Variants in LAMTOR3 observed in about 807,000 individuals in gnomAD.
The protein encoded by LAMTOR3 is ragulator complex protein LAMTOR3.
A neutral mutation model predicts 20.3 loss-of-function variants in LAMTOR3; 14 were observed. The ratio of observed to expected loss-of-function variants is 0.69; its 90% CI spans 0.46 to 1.08. LAMTOR3 has a LOEUF of 1.08. Ranked by LOEUF, LAMTOR3 falls within the 50% of genes least tolerant of loss-of-function variation. The pLI, the probability that LAMTOR3 is intolerant of heterozygous loss-of-function variation, is 0.00. For synonymous variants in LAMTOR3, 40 were observed against 49.4 expected (o/e 0.81, Z 0.80); for missense variants, 125 against 143.7 (o/e 0.87, Z 0.67).
At chr4:99,883,127 T>G (rs1724858864) in intron 6 of LAMTOR3, among the ~76,000 whole-genome samples, 1 of 152,056 alleles carries the variant, frequency 6.6e-6, no homozygotes, top group South Asian at 2.1e-4. Context: ...TAAATATACT[T>G]AAAATCTTAA....
rs1001327338 is a variant in LAMTOR3 at position 99,881,260 on chromosome 4, C to T, written c.*734G>A. The T allele has an allele frequency of 1.3e-5, 2 of 152,066 alleles. No individual in the cohort carries two copies. Among genetic ancestry groups the T allele is most frequent in the African/African-American group, 4.8e-5 (2 of 41,406 alleles). The allele number at this position is 152,066 out of a possible 1,614,324, so 9.4% of individuals were successfully genotyped here. A position where few individuals can be genotyped will look rare whatever the true frequency, so the allele number is the denominator to read the frequency against. On this transcript the variant is annotated 3_prime_UTR_variant, in exon 7 of 7. Transcript: ENST00000499666. ...CTCACATATGAAAAAAATGGCTGTA[C>T]TATCATGTTTACATACATACTAACA...
At chr4:99,882,153 T>G in intron 6 of LAMTOR3, 86 bp from the exon 7 acceptor site, 2 of 764,580 alleles carry the variant, frequency 2.6e-6, no homozygotes, top group Non-Finnish European at 4.3e-6. Flanking sequence ...CCAAAATACA[T>G]AGTTACCAAA....
At chr4:99,882,929 G>T (rs1724854921) in intron 6 of LAMTOR3, among the ~76,000 whole-genome samples, 1 of 151,986 alleles carries the variant, frequency 6.6e-6, no homozygotes, top group South Asian at 2.1e-4. Flanking sequence ...GCCTCAAACA[G>T]AGCCTGTTTT....
chr4:99,894,137 G>A (rs897669125), intron 1 of LAMTOR3, 137 bp from the exon 2 acceptor site: 16 of 497,596 alleles, frequency 3.2e-5, no homozygotes, highest in African/African-American at 2.7e-4. Context: ...AGCGAGCCCA[G>A]TGGGAGTCGG....
Position 99,879,073 on chromosome 4 carries a change from A to G in LAMTOR3, c.*2921T>C, listed in dbSNP as rs1004897268. 2 of 152,226 alleles carry G rather than the reference A, an allele frequency of 1.3e-5. No homozygotes were observed. Among genetic ancestry groups the G allele is most frequent in the Non-Finnish European group, 2.9e-5 (2 of 68,034 alleles). 9.4% of individuals were successfully genotyped at this position (152,226 alleles called of 1,614,324 possible). A position where few individuals can be genotyped will look rare whatever the true frequency, so the allele number is the denominator to read the frequency against. On this transcript the variant is annotated 3_prime_UTR_variant, in exon 7 of 7. Coordinates refer to ENST00000499666, the MANE Select transcript of LAMTOR3 (RefSeq NM_021970.4). ...CTGCCAATTGCTGTACATAAAGAGT[A>G]TAACAAGTCACACTTCCCTAGCAGG...
In LAMTOR3 at chr4:99,884,042, T is replaced by C. The variant is rs1290746903; in HGVS notation, c.301+20A>G. ...TTTAAAATTAAGGATTAAAGTGATA[T>C]TTAAGGTCATTAAACACACCTGTAT... On this transcript the variant is annotated intron_variant, in intron 6 of 6. Transcript: ENST00000499666. 1 of 1,514,430 alleles carries C rather than the reference T, an allele frequency of 6.6e-7. No homozygotes were observed. Among genetic ancestry groups the C allele is most frequent in the Non-Finnish European group, 9.1e-7 (1 of 1,094,526 alleles). 93.8% of individuals were successfully genotyped at this position (1,514,430 alleles called of 1,614,324 possible).
At chr4:99,882,986 A>C (rs943993943) in intron 6 of LAMTOR3, among the ~76,000 whole-genome samples, 3 of 152,070 alleles carry the variant, frequency 2.0e-5, no homozygotes, top group Non-Finnish European at 2.9e-5. Context: ...GAATATAAAA[A>C]GCATCTGAAC....
intron 4 of LAMTOR3, among the ~76,000 whole-genome samples, chr4:99,886,825 TACTG>T (rs1724934325): frequency 6.6e-6 from 1 of 152,158 alleles, no homozygotes; most frequent in South Asian, 2.1e-4. Flanking sequence ...TCTGAATCCA[TACTG>T]ACTCTCTGTG....
chr4:99,890,641 G>C (rs1334566388), intron 3 of LAMTOR3, among the ~76,000 whole-genome samples: 1 of 150,554 alleles, frequency 6.6e-6, no homozygotes, highest in Non-Finnish European at 1.5e-5. Flanking sequence ...AAAAAAAACT[G>C]ACAGTACTAA....
rs973368358 is a variant in LAMTOR3, at chr4:99,881,740, C to A, written c.*254G>T. The A allele has an allele frequency of 2.4e-6, 1 of 411,108 alleles. No individual in the cohort carries two copies. Among genetic ancestry groups the A allele is most frequent in the Non-Finnish European group, 4.3e-6 (1 of 230,978 alleles). The allele number at this position is 411,108 out of a possible 1,614,324, so 25.5% of individuals were successfully genotyped here. A position where few individuals can be genotyped will look rare whatever the true frequency, so the allele number is the denominator to read the frequency against. On this transcript the variant is annotated 3_prime_UTR_variant, in exon 7 of 7. Coordinates refer to ENST00000499666, the MANE Select transcript of LAMTOR3 (RefSeq NM_021970.4). ...CCATATCTGGTGACCAGACTAACTC[C>A]ATGGGAGCTGTGATAGACTGAACCA... is the stretch of plus-strand genomic sequence containing the variant.
chr4:99,890,598 T>G (rs1202611862), intron 3 of LAMTOR3, among the ~76,000 whole-genome samples: 1 of 152,156 alleles, frequency 6.6e-6, no homozygotes, highest in African/African-American at 2.4e-5. Flanking sequence ...ATAAATGATA[T>G]AATGAGTTGA....
intron 6 of LAMTOR3, among the ~76,000 whole-genome samples, chr4:99,882,380 T>C (rs568517950): frequency 6.6e-6 from 1 of 152,276 alleles, no homozygotes; most frequent in Non-Finnish European, 1.5e-5. Flanking sequence ...TTTCAGACTT[T>C]AGAATGTTTT....
chr4:99,893,267 G>A (rs1272617749), intron 2 of LAMTOR3, among the ~76,000 whole-genome samples: 2 of 152,036 alleles, frequency 1.3e-5, no homozygotes, highest in Non-Finnish European at 2.9e-5. Context: ...TTCCATCTCG[G>A]CCTCCCAAAG....
At chr4:99,888,619 T>C (rs1724970101) in intron 3 of LAMTOR3, among the ~76,000 whole-genome samples, 1 of 152,244 alleles carries the variant, frequency 6.6e-6, no homozygotes, top group Non-Finnish European at 1.5e-5. Context: ...ATTCTTTGTG[T>C]TAACTTTAAT....
chr4:99,889,692 AG>A (rs1294000055), intron 3 of LAMTOR3, among the ~76,000 whole-genome samples: 1 of 152,192 alleles, frequency 6.6e-6, no homozygotes, highest in Non-Finnish European at 1.5e-5. Context: ...AAGGATGGGC[AG>A]CTTCTCACTC....
At position 99,879,152 on chromosome 4, in the gene LAMTOR3, G is replaced by A. The variant is rs550369745; in HGVS notation, c.*2842C>T. On this transcript the variant is annotated 3_prime_UTR_variant, in exon 7 of 7. Coordinates refer to ENST00000499666, the MANE Select transcript of LAMTOR3 (RefSeq NM_021970.4). ...ATAATCCTTTTCCCATTGTGATCCCGTCTTTATAACAATGTTTTAAGCCCT... is the reference window on the plus strand; with the variant it reads ...ATAATCCTTTTCCCATTGTGATCCCATCTTTATAACAATGTTTTAAGCCCT... 15 of 152,218 alleles carry A rather than the reference G, an allele frequency of 9.9e-5. No individual in the cohort carries two copies. The South Asian group carries it at 1.2e-3, about 13-fold the overall frequency. 9.4% of individuals were successfully genotyped at this position (152,218 alleles called of 1,614,324 possible).
At chr4:99,887,972 T>C (rs747230297) in intron 3 of LAMTOR3, among the ~76,000 whole-genome samples, 2 of 152,186 alleles carry the variant, frequency 1.3e-5, no homozygotes, top group Non-Finnish European at 2.9e-5. Context: ...CAGTAATACA[T>C]CAGCTGAGAC....
At chr4:99,894,240 G>A (rs1725080175) in intron 1 of LAMTOR3, 95 bp downstream of exon 1, 1 of 368,970 alleles carries the variant, frequency 2.7e-6, no homozygotes, top group Non-Finnish European at 4.8e-6. Flanking sequence ...TAGGCCCAAA[G>A]AAAAGAAGAG....
intron 2 of LAMTOR3, among the ~76,000 whole-genome samples, chr4:99,893,452 G>A (rs920870760): frequency 5.9e-5 from 9 of 151,892 alleles, no homozygotes; most frequent in Admixed American, 5.9e-4. Flanking sequence ...CTCCAAACCC[G>A]ACTGATCATT....
Sources: allele counts gnomAD v4.1 joint callset (sites outside exome capture counted in the v4.1 genomes callset), GRCh38; gene constraint gnomAD v4.1.1; transcripts MANE v1.5; gene names NCBI Gene and HGNC (gene_info 2026-07-23, HGNC 2026-07-21).